Variants in HIF1A observed in about 807,000 individuals in gnomAD.
HIF1A encodes hypoxia-inducible factor 1-alpha.
Under a neutral mutation model 92.7 loss-of-function variants are expected in HIF1A, and 24 were observed. That is an observed-to-expected ratio of 0.26 (90% CI 0.19 to 0.36). The LOEUF is 0.36. HIF1A is among the 10% of genes least tolerant of loss of function. HIF1A has a pLI of 1.00. For missense variants in HIF1A, 799 were observed against 998.5 expected (o/e 0.80, Z 2.69); for synonymous variants, 319 against 338.7 (o/e 0.94, Z 0.64).
In HIF1A at chr14:61,695,725, C is replaced by T. The variant is rs1253364889; in HGVS notation, c.-80C>T. On this transcript the variant is annotated 5_prime_UTR_variant, in exon 1 of 15. Transcript: ENST00000337138. ...GACTTGCCTTTCCTTCTCTTCTCCGCGTGTGGAGGGAGCCAGCGCTTAGGC... is the reference window on the plus strand; with the variant it reads ...GACTTGCCTTTCCTTCTCTTCTCCGTGTGTGGAGGGAGCCAGCGCTTAGGC... 9 of 1,458,506 alleles carry T rather than the reference C, an allele frequency of 6.2e-6. No homozygotes were observed. The highest frequency in any genetic ancestry group is 1.4e-5 in the African/African-American group (1 of 71,338). 90.3% of individuals were successfully genotyped at this position (1,458,506 alleles called of 1,614,324 possible). A position where few individuals can be genotyped will look rare whatever the true frequency, so the allele number is the denominator to read the frequency against.
At chr14:61,731,456 A>G (rs578139812) in intron 6 of HIF1A, among the ~76,000 whole-genome samples, 9 of 152,202 alleles carry the variant, frequency 5.9e-5, no homozygotes, top group African/African-American at 1.4e-4. Context: ...TTGTTTTCCA[A>G]TCTATTTTCA....
At chr14:61,721,104 G>A (rs907355124) in intron 2 of HIF1A, among the ~76,000 whole-genome samples, 1 of 152,144 alleles carries the variant, frequency 6.6e-6, no homozygotes, top group African/African-American at 2.4e-5. Flanking sequence ...AGATGGGCAC[G>A]CTGGTAGGTG....
intron 6 of HIF1A, among the ~76,000 whole-genome samples, chr14:61,730,160 A>G (rs1187226473): frequency 1.3e-5 from 2 of 152,176 alleles, no homozygotes; most frequent in African/African-American, 4.8e-5. Flanking sequence ...ACTGCTTTAG[A>G]TCATGGGTTT....
Position 61,740,880 on chromosome 14 carries a change from T to C in HIF1A, c.1785T>C (p.Pro595=). 3.1e-6 allele frequency: 5 copies of C among 1,614,192 alleles called. No homozygotes were observed. The highest frequency in any genetic ancestry group is 4.2e-6 in the Non-Finnish European group (5 of 1,180,040). ...CCGCAAGCCCTGAAAGCGCAAGTCC[T>C]CAAAGCACAGTTACAGTATTCCAGC... ...SSSASPESAS[P]QSTVTVFQQT... Residue 595 remains proline (P), a synonymous_variant, in exon 12 of 15, where the codon CCT becomes CCC. Coordinates refer to ENST00000337138, the MANE Select transcript of HIF1A (RefSeq NM_001530.4).
chr14:61,714,124 T>C (rs936270312), intron 1 of HIF1A, among the ~76,000 whole-genome samples: 1 of 152,156 alleles, frequency 6.6e-6, no homozygotes, highest in African/African-American at 2.4e-5. Flanking sequence ...TTGTGAAATA[T>C]AGAGTAGAGC....
intron 6 of HIF1A, among the ~76,000 whole-genome samples, chr14:61,729,409 C>T (rs1459135352): frequency 6.6e-6 from 1 of 151,626 alleles, no homozygotes; most frequent in East Asian, 1.9e-4. Flanking sequence ...TTGCAGTGAA[C>T]CAAGCTTGCA....
rs1033348128 is a variant in HIF1A, at chr14:61,748,124, A to G, written c.*1039A>G. ...TTTAGAAGCATTATTTTAGGAATAT[A>G]TAGTTGTCACAGTAAATATCTTGTT... On this transcript the variant is annotated 3_prime_UTR_variant, in exon 15 of 15. Coordinates refer to ENST00000337138, the MANE Select transcript of HIF1A (RefSeq NM_001530.4). The G allele has an allele frequency of 2.6e-5, 4 of 152,600 alleles. No homozygotes were observed. Among genetic ancestry groups the G allele is most frequent in the Non-Finnish European group, 5.9e-5 (4 of 67,970 alleles). 9.5% of individuals were successfully genotyped at this position (152,600 alleles called of 1,614,324 possible).
At chr14:61,730,359 T>C (rs1379230790) in intron 6 of HIF1A, among the ~76,000 whole-genome samples, 1 of 152,212 alleles carries the variant, frequency 6.6e-6, no homozygotes, top group African/African-American at 2.4e-5. Context: ...CTTTTAGTGA[T>C]AGACATACCT....
chr14:61,727,833 C>G (rs1476317149), intron 6 of HIF1A, among the ~76,000 whole-genome samples, 178 bp downstream of exon 6: 1 of 151,948 alleles, frequency 6.6e-6, no homozygotes, highest in Non-Finnish European at 1.5e-5. Context: ...AGATTGAGAC[C>G]AGCCTGGCCA....
At chr14:61,721,696 T>G (rs368011870) in intron 3 of HIF1A, 42 bp downstream of exon 3, 2 of 1,610,374 alleles carry the variant, frequency 1.2e-6, no homozygotes, top group Non-Finnish European at 1.7e-6. Flanking sequence ...TATGTTTTTA[T>G]GATTTTATGA....
chr14:61,698,692 T>C (rs2044143452), intron 1 of HIF1A, among the ~76,000 whole-genome samples: 1 of 152,218 alleles, frequency 6.6e-6, no homozygotes, highest in Non-Finnish European at 1.5e-5. Flanking sequence ...AAAGCGTTTT[T>C]TTCCTGTTAC....
intron 1 of HIF1A, among the ~76,000 whole-genome samples, chr14:61,712,207 C>T (rs960118192): frequency 6.6e-5 from 10 of 152,066 alleles, no homozygotes; most frequent in African/African-American, 2.4e-4. Context: ...AGAAGCAAGC[C>T]TTGTGGGTAT....
At position 61,738,354 on chromosome 14, in the gene HIF1A, C is replaced by G; in HGVS notation, c.1517C>G (p.Thr506Ser). The G allele has an allele frequency of 6.2e-7, 1 of 1,608,416 alleles. No individual in the cohort carries two copies. The highest frequency in any genetic ancestry group is 8.5e-7 in the Non-Finnish European group (1 of 1,177,108). ...ACACCTAGTCCTTCCGATGGAAGCA[C>G]TAGACAAAGTTCACCTGAGGTAGGT... is the stretch of plus-strand genomic sequence containing the variant. Reference protein sequence around the residue: ...DQTPSPSDGSTRQSSPEPNSP... With the variant: ...DQTPSPSDGSSRQSSPEPNSP... Residue 506 changes from threonine (T) to serine (S), a missense_variant, in exon 10 of 15, where the codon ACT becomes AGT. Physicochemically the swap from Thr to Ser is moderately conservative, Grantham distance 58 (BLOSUM62 1). Coordinates refer to ENST00000337138, the MANE Select transcript of HIF1A (RefSeq NM_001530.4).
intron 7 of HIF1A, among the ~76,000 whole-genome samples, chr14:61,733,425 A>G (rs2044599683): frequency 6.6e-6 from 1 of 152,206 alleles, no homozygotes; most frequent in South Asian, 2.1e-4. Flanking sequence ...TTGACATAAG[A>G]TTTGATTCTG....
chr14:61,746,149 G>A (rs1481420970), intron 14 of HIF1A, among the ~76,000 whole-genome samples: 5 of 150,950 alleles, frequency 3.3e-5, no homozygotes, highest in Non-Finnish European at 5.9e-5. Flanking sequence ...GCTTGAACCC[G>A]GAAGGCAGAG....
intron 14 of HIF1A, among the ~76,000 whole-genome samples, chr14:61,746,558 CA>C (rs1389792018): frequency 1.3e-5 from 2 of 151,900 alleles, no homozygotes. Context: ...CATGCCTCAC[CA>C]CACCCGGTTG....
chr14:61,719,820 T>C (rs977285323), intron 1 of HIF1A, among the ~76,000 whole-genome samples: 14 of 152,206 alleles, frequency 9.2e-5, no homozygotes, highest in Non-Finnish European at 1.9e-4. Context: ...CACTGGCTTA[T>C]AGCTGCTAAT....
At chr14:61,715,359 C>G (rs749407796) in intron 1 of HIF1A, among the ~76,000 whole-genome samples, 2 of 152,194 alleles carry the variant, frequency 1.3e-5, no homozygotes, top group Non-Finnish European at 2.9e-5. Flanking sequence ...AGGTCAAGTC[C>G]TAAATTCTGA....
At chr14:61,734,087 T>G in intron 7 of HIF1A, 51 bp from the exon 8 acceptor site, 1 of 1,299,706 alleles carries the variant, frequency 7.7e-7, no homozygotes, top group East Asian at 2.6e-5. Context: ...TAATTGAAAA[T>G]TCAAAGTTAA....
Sources: gnomAD v4.1 joint callset for allele counts (sites outside exome capture counted in the v4.1 genomes callset) on GRCh38, gnomAD v4.1.1 for gene constraint, MANE v1.5 for transcripts, NCBI Gene and HGNC (gene_info 2026-07-23, HGNC 2026-07-21) for gene names.